The following IL1RAPL2 variants were observed in gnomAD, a reference collection of about 807,000 sequenced individuals.
IL1RAPL2 encodes X-linked interleukin-1 receptor accessory protein-like 2.
IL1RAPL2 carries 3 observed loss-of-function variants against 44.1 expected under a neutral mutation model. That is an observed-to-expected ratio of 0.07 (90% CI 0.03 to 0.18). The LOEUF (loss-of-function observed/expected upper bound fraction) is 0.18, where lower values mean the gene tolerates loss of function less well. Ranked by LOEUF, IL1RAPL2 falls within the 10% of genes least tolerant of loss-of-function variation. IL1RAPL2 has a pLI of 1.00. For synonymous variants in IL1RAPL2, 181 were observed against 178.8 expected (o/e 1.01, Z -0.10); for missense variants, 391 against 496.4 (o/e 0.79, Z 2.02).
At chrX:105,174,250 T>G (rs2033452619) in intron 2 of IL1RAPL2, among the ~76,000 whole-genome samples, 1 of 111,453 alleles carries the variant, frequency 9.0e-6, no homozygotes, top group Non-Finnish European at 1.9e-5. Context: ...TCATAACCCA[T>G]TCCCTGCTTC....
intron 2 of IL1RAPL2, among the ~76,000 whole-genome samples, chrX:104,764,918 A>G (rs748685505): frequency 3.6e-5 from 4 of 111,970 alleles, no homozygotes; most frequent in Non-Finnish European, 5.6e-5. Flanking sequence ...CTTGGTCAGG[A>G]TGATTAATTT....
At chrX:105,598,559 C>A (rs1187783285) in intron 6 of IL1RAPL2, among the ~76,000 whole-genome samples, 4 of 111,484 alleles carry the variant, frequency 3.6e-5, no homozygotes, top group Non-Finnish European at 7.5e-5. Context: ...ATTTTATACA[C>A]CTTAACTTTA....
chrX:104,932,348 G>C (rs764935579), intron 2 of IL1RAPL2, among the ~76,000 whole-genome samples: 1 of 110,828 alleles, frequency 9.0e-6, no homozygotes, highest in South Asian at 3.9e-4. Context: ...CAGGAGGATA[G>C]GGTCAGAAAC....
chrX:105,704,044 C>T (rs1602530508), intron 6 of IL1RAPL2, among the ~76,000 whole-genome samples: 2 of 111,648 alleles, frequency 1.8e-5, no homozygotes, highest in South Asian at 7.6e-4. Context: ...CTCTGCTAGG[C>T]TTTTCAGAGG....
At chrX:104,992,523 G>A (rs748526044) in intron 2 of IL1RAPL2, among the ~76,000 whole-genome samples, 3 of 111,249 alleles carry the variant, frequency 2.7e-5, no homozygotes, top group South Asian at 7.7e-4. Context: ...GCATAATGTA[G>A]TTGGAGGGCT....
intron 2 of IL1RAPL2, among the ~76,000 whole-genome samples, chrX:104,731,004 G>A (rs1243712773): frequency 9.0e-6 from 1 of 111,134 alleles, no homozygotes; most frequent in African/African-American, 3.3e-5. Flanking sequence ...TGTGTCTTTT[G>A]GCTGCATAAA....
chrX:104,584,423 G>A (rs1479004609), intron 1 of IL1RAPL2, among the ~76,000 whole-genome samples: 1 of 109,734 alleles, frequency 9.1e-6, no homozygotes, highest in Non-Finnish European at 1.9e-5. Context: ...AAGTGTCAGT[G>A]TCTGACATAC....
intron 2 of IL1RAPL2, among the ~76,000 whole-genome samples, chrX:105,004,667 A>G (rs888137528): frequency 1.8e-5 from 2 of 111,142 alleles, no homozygotes; most frequent in Non-Finnish European, 3.8e-5. Flanking sequence ...TTATCAAATT[A>G]TGCTCACATT....
chrX:105,693,605 T>G (rs746453179), intron 6 of IL1RAPL2, among the ~76,000 whole-genome samples: 1 of 111,605 alleles, frequency 9.0e-6, no homozygotes, highest in African/African-American at 3.3e-5. Context: ...CTTCATAAAT[T>G]ACCCAGCCTC....
intron 2 of IL1RAPL2, among the ~76,000 whole-genome samples, chrX:105,068,959 C>A (rs1310477833): frequency 8.9e-6 from 1 of 112,264 alleles, no homozygotes; most frequent in Non-Finnish European, 1.9e-5. Context: ...GTTTCTGGAA[C>A]ACCTCACAGT....
chrX:105,337,564 G>T (rs990858040), intron 5 of IL1RAPL2, among the ~76,000 whole-genome samples: 2 of 111,979 alleles, frequency 1.8e-5, no homozygotes, highest in Non-Finnish European at 3.8e-5. Flanking sequence ...ACAAATGAAG[G>T]GGGGAGGGCC....
At chrX:105,251,329 A>AT (rs891441473) in intron 4 of IL1RAPL2, among the ~76,000 whole-genome samples, 1 of 109,984 alleles carries the variant, frequency 9.1e-6, no homozygotes, top group Non-Finnish European at 1.9e-5. Context: ...ATGCTTGGAG[A>AT]TTTTGAATCC....
At chrX:104,882,750 A>ATCTTTC (rs1328766444) in intron 2 of IL1RAPL2, among the ~76,000 whole-genome samples, 2 of 111,682 alleles carry the variant, frequency 1.8e-5, no homozygotes, top group Non-Finnish European at 1.9e-5. Context: ...ATGCTGTAGA[A>ATCTTTC]GCTTTGTTCT....
At chrX:105,538,890 C>T (rs933630102) in intron 6 of IL1RAPL2, among the ~76,000 whole-genome samples, 4 of 111,351 alleles carry the variant, frequency 3.6e-5, no homozygotes, top group Non-Finnish European at 7.5e-5. Flanking sequence ...TTACTACACA[C>T]CAATAATGTT....
chrX:105,240,356 A>C (rs1219446656), intron 4 of IL1RAPL2, among the ~76,000 whole-genome samples: 2 of 112,601 alleles, frequency 1.8e-5, no homozygotes, highest in African/African-American at 6.5e-5. Context: ...TTGTGTATCT[A>C]TACAATTTTG....
intron 1 of IL1RAPL2, among the ~76,000 whole-genome samples, chrX:104,652,021 G>A (rs1481770296): frequency 8.9e-6 from 1 of 112,086 alleles, no homozygotes; most frequent in African/African-American, 3.2e-5. Context: ...CAGACTGGAA[G>A]GGAGGTAAAG....
chrX:104,800,348 C>T (rs1447989171), intron 2 of IL1RAPL2, among the ~76,000 whole-genome samples: 1 of 110,292 alleles, frequency 9.1e-6, no homozygotes, highest in Non-Finnish European at 1.9e-5. Flanking sequence ...ATAGCATACC[C>T]TATCATGCCA....
chrX:104,883,812 G>T (rs184839046), intron 2 of IL1RAPL2, among the ~76,000 whole-genome samples: 195 of 111,626 alleles, frequency 1.7e-3, no homozygotes, highest in African/African-American at 5.9e-3. Flanking sequence ...CCTCAGACTA[G>T]CAGGCCTAAC....
intron 2 of IL1RAPL2, among the ~76,000 whole-genome samples, chrX:104,915,860 T>C (rs1208379375): frequency 6.3e-5 from 7 of 111,896 alleles, no homozygotes; most frequent in African/African-American, 1.6e-4. Context: ...CTCAGGTTTG[T>C]CAAAGATCAG....
Sources: allele counts gnomAD v4.1 joint callset (sites outside exome capture counted in the v4.1 genomes callset), GRCh38; gene constraint gnomAD v4.1.1; transcripts MANE v1.5; gene names NCBI Gene and HGNC (gene_info 2026-07-23, HGNC 2026-07-21).